DLGAP1: variants seen among roughly 807,000 people sequenced by gnomAD.
DLGAP1 encodes DLG associated protein 1, also known as disks large-associated protein 1.
Under a neutral mutation model 90.8 loss-of-function variants are expected in DLGAP1, and 11 were observed. That is an observed-to-expected ratio of 0.12 (90% CI 0.08 to 0.20). DLGAP1 has a LOEUF of 0.20. DLGAP1 is among the 10% of genes least tolerant of loss of function. The pLI is 1.00. For missense variants in DLGAP1, 1,050 were observed against 1,333.8 expected, an observed-to-expected ratio of 0.79 and a Z score of 3.31; for synonymous variants, 558 against 540.7, an observed-to-expected ratio of 1.03 and a Z score of -0.44.
At chr18:3,783,315 A>AGTAT (rs990050990) in intron 5 of DLGAP1, among the ~76,000 whole-genome samples, 1 of 152,220 alleles carries the variant, frequency 6.6e-6, no homozygotes, top group African/African-American at 2.4e-5. Flanking sequence ...ACTTGGGAGG[A>AGTAT]ATGAAAACAT....
chr18:3,890,738 A>T (rs899539954), intron 3 of DLGAP1, among the ~76,000 whole-genome samples: 2 of 152,130 alleles, frequency 1.3e-5, no homozygotes, highest in Non-Finnish European at 1.5e-5. Flanking sequence ...ATTACATTTT[A>T]TTTTTTTAGG....
intron 5 of DLGAP1, among the ~76,000 whole-genome samples, chr18:3,798,814 T>C (rs1053785550): frequency 3.3e-5 from 5 of 152,202 alleles, no homozygotes; most frequent in African/African-American, 1.2e-4. Context: ...ATTAGAACCA[T>C]TTTTAATTTA....
chr18:3,781,351 A>ATT (rs34073983), intron 5 of DLGAP1, among the ~76,000 whole-genome samples: 147 of 140,284 alleles, frequency 1.0e-3, no homozygotes, highest in African/African-American at 3.5e-3. Flanking sequence ...GCAGCTTTCA[A>ATT]TTTTTTTTTT....
intron 3 of DLGAP1, among the ~76,000 whole-genome samples, chr18:3,894,131 C>T (rs546490924): frequency 3.5e-4 from 54 of 152,160 alleles, no homozygotes; most frequent in Non-Finnish European, 7.1e-4. Flanking sequence ...AGTCCTTTGT[C>T]AGTTGCATAA....
At chr18:4,187,696 A>G (rs964405693) in intron 1 of DLGAP1, among the ~76,000 whole-genome samples, 1 of 152,144 alleles carries the variant, frequency 6.6e-6, no homozygotes, top group Admixed American at 6.6e-5. Flanking sequence ...TTGTTAAATA[A>G]TATTTTAAAT....
chr18:3,940,018 G>T (rs894402886), intron 3 of DLGAP1, among the ~76,000 whole-genome samples: 56 of 152,144 alleles, frequency 3.7e-4, no homozygotes, highest in Non-Finnish European at 2.9e-5. Context: ...AAATCAATGG[G>T]ATATTACAGA....
At chr18:3,973,925 C>T (rs1384864771) in intron 3 of DLGAP1, among the ~76,000 whole-genome samples, 1 of 152,190 alleles carries the variant, frequency 6.6e-6, no homozygotes, top group African/African-American at 2.4e-5. Flanking sequence ...GCCTACCACA[C>T]TCTCAGGCTA....
intron 5 of DLGAP1, among the ~76,000 whole-genome samples, chr18:3,804,824 C>G (rs1300115379): frequency 6.6e-6 from 1 of 152,178 alleles, no homozygotes. Flanking sequence ...AACATTCTTT[C>G]AGATAGCATT....
chr18:4,438,228 G>A (rs1177594568), intron 1 of DLGAP1, among the ~76,000 whole-genome samples: 1 of 151,954 alleles, frequency 6.6e-6, no homozygotes, highest in Non-Finnish European at 1.5e-5. Context: ...CAAACATGGT[G>A]CATGGCGAAT....
At chr18:3,857,008 G>A (rs1194347353) in intron 4 of DLGAP1, among the ~76,000 whole-genome samples, 1 of 152,082 alleles carries the variant, frequency 6.6e-6, no homozygotes, top group Admixed American at 6.5e-5. Context: ...TTAGTATAAT[G>A]CTACATCCAT....
chr18:3,520,423 G>T (rs936142743), intron 10 of DLGAP1, among the ~76,000 whole-genome samples: 1 of 152,168 alleles, frequency 6.6e-6, no homozygotes, highest in Admixed American at 6.5e-5. Flanking sequence ...TCGCTGAATT[G>T]CATTTTCCTA....
intron 3 of DLGAP1, among the ~76,000 whole-genome samples, chr18:3,932,776 A>T (rs1876675262): frequency 6.6e-6 from 1 of 152,268 alleles, no homozygotes; most frequent in South Asian, 2.1e-4. Flanking sequence ...CCAGAAACAT[A>T]AAACACTTAC....
intron 2 of DLGAP1, among the ~76,000 whole-genome samples, chr18:4,006,640 A>T (rs1350299368): frequency 3.0e-5 from 4 of 131,256 alleles, no homozygotes; most frequent in Non-Finnish European, 4.7e-5. Context: ...TCCCCACCCA[A>T]CCCCTGGCTT....
At chr18:3,587,960 T>C in intron 7 of DLGAP1, among the ~76,000 whole-genome samples, 1 of 152,264 alleles carries the variant, frequency 6.6e-6, no homozygotes, top group Non-Finnish European at 1.5e-5. Flanking sequence ...GCTGTATTTT[T>C]TATCACCATT....
At chr18:4,185,691 G>T (rs1475248438) in intron 1 of DLGAP1, among the ~76,000 whole-genome samples, 1 of 152,036 alleles carries the variant, frequency 6.6e-6, no homozygotes, top group Non-Finnish European at 1.5e-5. Flanking sequence ...TGCCATTGAG[G>T]GACATTTAGG....
At chr18:4,302,611 T>C (rs2080154846) in intron 1 of DLGAP1, among the ~76,000 whole-genome samples, 1 of 152,204 alleles carries the variant, frequency 6.6e-6, no homozygotes, top group Admixed American at 6.5e-5. Context: ...ACCATGCTTT[T>C]AAATTAGTAT....
At chr18:4,034,347 T>C (rs990790275) in intron 2 of DLGAP1, among the ~76,000 whole-genome samples, 1 of 152,062 alleles carries the variant, frequency 6.6e-6, no homozygotes, top group Non-Finnish European at 1.5e-5. Flanking sequence ...CGGCTGCAAA[T>C]TTTTATATAC....
chr18:4,217,386 G>A (rs2077979905), intron 1 of DLGAP1, among the ~76,000 whole-genome samples: 1 of 152,028 alleles, frequency 6.6e-6, no homozygotes, highest in Non-Finnish European at 1.5e-5. Context: ...AACTGAATTG[G>A]ATAAATACCA....
intron 7 of DLGAP1, among the ~76,000 whole-genome samples, chr18:3,652,507 A>G (rs1567902895): frequency 6.6e-6 from 1 of 151,618 alleles, no homozygotes; most frequent in Non-Finnish European, 1.5e-5. Context: ...TTTACAAAAT[A>G]TTTTTTGTAG....
Sources: gnomAD v4.1 joint callset for allele counts (sites outside exome capture counted in the v4.1 genomes callset) on GRCh38, gnomAD v4.1.1 for gene constraint, MANE v1.5 for transcripts, NCBI Gene and HGNC (gene_info 2026-07-23, HGNC 2026-07-21) for gene names.